Variants in MAP4K5 observed in about 807,000 individuals in gnomAD.
MAP4K5 encodes mitogen-activated protein kinase kinase kinase kinase 5.
A neutral mutation model predicts 135.6 loss-of-function variants in MAP4K5; 82 were observed. The ratio of observed to expected loss-of-function variants is 0.60; its 90% CI spans 0.51 to 0.73. The LOEUF is 0.73. Among genes scored for constraint, MAP4K5 ranks in the 30% least tolerant of loss-of-function variants. The pLI is 0.00. For missense variants in MAP4K5, 907 were observed against 1,010.9 expected (o/e 0.90, Z 1.39); for synonymous variants, 347 against 335.0 (o/e 1.04, Z -0.39).
intron 3 of MAP4K5, among the ~76,000 whole-genome samples, chr14:50,497,618 CCTGA>C (rs2037621547): frequency 6.6e-6 from 1 of 152,090 alleles, no homozygotes; most frequent in African/African-American, 2.4e-5. Context: ...CCGTATAGTT[CCTGA>C]CTTTTTAACA....
chr14:50,441,862 C>A (rs1165965437), intron 21 of MAP4K5, among the ~76,000 whole-genome samples: 1 of 151,636 alleles, frequency 6.6e-6, no homozygotes, highest in Non-Finnish European at 1.5e-5. Flanking sequence ...TATAACCTGT[C>A]TTTATTATTA....
chr14:50,503,324 T>C (rs143345264), intron 3 of MAP4K5, among the ~76,000 whole-genome samples: 14 of 152,196 alleles, frequency 9.2e-5, no homozygotes, highest in African/African-American at 3.4e-4. Flanking sequence ...ATGTTATTCT[T>C]TTTTGGGGGA....
chr14:50,426,794 G>A (rs61984268), intron 30 of MAP4K5, among the ~76,000 whole-genome samples: 334 of 152,230 alleles, frequency 2.2e-3, no homozygotes, highest in Non-Finnish European at 3.8e-3. Flanking sequence ...ACCACACATT[G>A]AATATTTAGG....
chr14:50,546,947 C>T (rs565682361), intron 1 of MAP4K5, among the ~76,000 whole-genome samples: 1 of 152,124 alleles, frequency 6.6e-6, no homozygotes, highest in Non-Finnish European at 1.5e-5. Context: ...ATATACCCGT[C>T]ATCTACATTA....
chr14:50,473,716 C>CTTTT lies in MAP4K5; in HGVS notation c.542+1357_542+1360dup, dbSNP rs398077753. On this transcript the variant is annotated intron_variant, in intron 9 of 32. Transcript: ENST00000682126. Reference sequence around the variant, plus strand: ...GTTACTGATGGCTCTTTTGGTTTCACTTTTTTTTTTTTTTTTTTTTTTTTT... The same window carrying CTTTT: ...GTTACTGATGGCTCTTTTGGTTTCACTTTTTTTTTTTTTTTTTTTTTTTTTTTTT... 3.1e-3 allele frequency among the ~76,000 whole-genome samples: 300 copies of CTTTT among 95,446 alleles called. 3 individuals carry two copies. Among genetic ancestry groups the CTTTT allele is most frequent in the African/African-American group, 7.3e-3 (156 of 21,274 alleles). The allele number at this position is 95,446 out of a possible 152,430, so 62.6% of individuals were successfully genotyped here. A position where few individuals can be genotyped will look rare whatever the true frequency, so the allele number is the denominator to read the frequency against.
At chr14:50,467,628 A>G (rs533215392) in intron 10 of MAP4K5, among the ~76,000 whole-genome samples, 46 of 152,218 alleles carry the variant, frequency 3.0e-4, no homozygotes, top group Admixed American at 2.5e-3. Flanking sequence ...CCTGAAATGC[A>G]TAATTCTTAG....
intron 1 of MAP4K5, among the ~76,000 whole-genome samples, chr14:50,548,981 C>T (rs189181985): frequency 5.8e-4 from 89 of 152,276 alleles, no homozygotes; most frequent in African/African-American, 2.1e-3. Context: ...TAACCAAGCC[C>T]GTCTCTGGGG....
Position 50,458,742 on chromosome 14 carries a change from T to C in MAP4K5, c.937-2148A>G, listed in dbSNP as rs564449244. ...CTTCCCTTGGGTGATCGATCACATT[T>C]ACTCCTAAGGCATCAACTACATGTG... On this transcript the variant is annotated intron_variant, in intron 13 of 32. Coordinates refer to ENST00000682126, the MANE Select transcript of MAP4K5 (RefSeq NM_006575.6). Among the ~76,000 whole-genome samples, 9 of 152,324 alleles carry C rather than the reference T, an allele frequency of 5.9e-5. No homozygotes were observed. The South Asian group carries it at 1.9e-3, about 32-fold the overall frequency.
intron 8 of MAP4K5, 60 bp from the exon 9 acceptor site, chr14:50,475,209 C>G: frequency 7.7e-7 from 1 of 1,294,036 alleles, no homozygotes. Flanking sequence ...AACATTTTTA[C>G]TTTCGCCCTT....
At chr14:50,455,731 C>A (rs2036582907) in intron 14 of MAP4K5, among the ~76,000 whole-genome samples, 1 of 152,046 alleles carries the variant, frequency 6.6e-6, no homozygotes, top group Non-Finnish European at 1.5e-5. Context: ...AATTATTTTC[C>A]TCTAGTATGG....
At chr14:50,422,907 A>T (rs188624443) in intron 32 of MAP4K5, among the ~76,000 whole-genome samples, 4 of 152,344 alleles carry the variant, frequency 2.6e-5, no homozygotes, top group African/African-American at 9.6e-5. Flanking sequence ...GTTGAATATA[A>T]CTGTCTCTAG....
upstream of MAP4K5, among the ~76,000 whole-genome samples, chr14:50,537,522 G>A (rs2088031): frequency 0.92 from 140,516 of 152,200 alleles, 65,652 homozygotes; most frequent in Non-Finnish European, 0.99. Context: ...ACAGAATGGT[G>A]GATCCACTGA....
intron 14 of MAP4K5, among the ~76,000 whole-genome samples, chr14:50,452,706 CT>C: frequency 6.6e-6 from 1 of 152,162 alleles, no homozygotes; most frequent in East Asian, 1.9e-4. Flanking sequence ...GTGTTGATCC[CT>C]GTATTCATGT....
chr14:50,513,351 T>C (rs371031360), intron 2 of MAP4K5, among the ~76,000 whole-genome samples: 3 of 152,122 alleles, frequency 2.0e-5, no homozygotes, highest in Non-Finnish European at 2.9e-5. Context: ...CAAAAAAAAT[T>C]GAAAGATGTT....
chr14:50,478,444 T>A (rs1422117021), intron 6 of MAP4K5, among the ~76,000 whole-genome samples: 2 of 152,116 alleles, frequency 1.3e-5, no homozygotes, highest in African/African-American at 4.8e-5. Flanking sequence ...TTTCTCTGCT[T>A]ACTTTGCATT....
intron 1 of MAP4K5, among the ~76,000 whole-genome samples, chr14:50,547,855 G>A (rs1472100075): frequency 6.6e-6 from 1 of 152,132 alleles, no homozygotes; most frequent in African/African-American, 2.4e-5. Flanking sequence ...CCTTCACTTG[G>A]GAGGGCCAAT....
chr14:50,463,550 G>T (rs1221977056), intron 12 of MAP4K5, among the ~76,000 whole-genome samples: 1 of 152,126 alleles, frequency 6.6e-6, no homozygotes, highest in African/African-American at 2.4e-5. Flanking sequence ...AGGCTGTATG[G>T]CCCACAAAGT....
chr14:50,552,700 A>G (rs2038717730), intron 1 of MAP4K5, among the ~76,000 whole-genome samples: 1 of 152,220 alleles, frequency 6.6e-6, no homozygotes, highest in Non-Finnish European at 1.5e-5. Flanking sequence ...AGAACCCAGA[A>G]ATAAAGCCAA....
chr14:50,525,086 C>A lies in MAP4K5; in HGVS notation c.108+6856G>T, dbSNP rs565683841. ...CTCTCCTACAAACTCTCCTGGGTGA[C>A]CTCACCTATATTTCACAGGTACCAC... On this transcript the variant is annotated intron_variant, in intron 2 of 32. Coordinates refer to ENST00000682126, the MANE Select transcript of MAP4K5 (RefSeq NM_006575.6). Among the ~76,000 whole-genome samples the A allele has an allele frequency of 2.6e-5, 4 of 152,266 alleles. No individual in the cohort carries two copies. In the South Asian group the frequency reaches 8.3e-4, roughly 32 times the overall value.
Sources: gnomAD v4.1 joint callset for allele counts (sites outside exome capture counted in the v4.1 genomes callset) on GRCh38, gnomAD v4.1.1 for gene constraint, MANE v1.5 for transcripts, NCBI Gene and HGNC (gene_info 2026-07-23, HGNC 2026-07-21) for gene names.